Variants in RALYL observed in about 807,000 individuals in gnomAD.
RALYL encodes the protein RALY RNA binding protein like.
RALYL carries 29 observed loss-of-function variants against 35.1 expected under a neutral mutation model. That is an observed-to-expected ratio of 0.83 (90% CI 0.61 to 1.13). The LOEUF (loss-of-function observed/expected upper bound fraction) is 1.13. RALYL is among the 50% of genes most tolerant of loss of function. RALYL has a pLI of 0.00. For synonymous variants in RALYL, 120 were observed against 127.6 expected (o/e 0.94, Z 0.40); for missense variants, 359 against 360.4 (o/e 1.00, Z 0.03).
intron 8 of RALYL, among the ~76,000 whole-genome samples, chr8:84,895,733 A>AACC (rs2135507582): frequency 6.6e-6 from 1 of 152,182 alleles, no homozygotes; most frequent in South Asian, 2.1e-4. Context: ...AGTGGTCTCT[A>AACC]ACTCCTGACA....
chr8:84,210,492 T>TA (rs35507588), intron 1 of RALYL, among the ~76,000 whole-genome samples: 35,359 of 150,432 alleles, frequency 0.24, 4,243 homozygotes, highest in Non-Finnish European at 0.27. Context: ...TTCATTGGCT[T>TA]AAAAAAAAAG....
chr8:84,671,662 T>C (rs1185511547), intron 2 of RALYL, among the ~76,000 whole-genome samples: 1 of 152,156 alleles, frequency 6.6e-6, no homozygotes, highest in Non-Finnish European at 1.5e-5. Flanking sequence ...AGCTGTACCT[T>C]GGCACAGTTT....
chr8:84,370,022 A>C (rs922619364), intron 1 of RALYL, among the ~76,000 whole-genome samples: 3 of 151,938 alleles, frequency 2.0e-5, no homozygotes, highest in East Asian at 1.9e-4. Flanking sequence ...AATTCCATCA[A>C]TTTCAAATGT....
intron 6 of RALYL, among the ~76,000 whole-genome samples, chr8:84,871,044 G>T (rs988187411): frequency 6.6e-6 from 1 of 152,172 alleles, no homozygotes; most frequent in African/African-American, 2.4e-5. Flanking sequence ...AGGGTTAGAG[G>T]CTCACTTTAA....
chr8:84,837,000 C>G (rs1186761217), intron 4 of RALYL, among the ~76,000 whole-genome samples: 1 of 152,160 alleles, frequency 6.6e-6, no homozygotes, highest in Non-Finnish European at 1.5e-5. Flanking sequence ...AATACCTACC[C>G]TTTGAACATT....
chr8:84,419,294 T>C (rs1010404182), intron 1 of RALYL, among the ~76,000 whole-genome samples: 1 of 152,160 alleles, frequency 6.6e-6, no homozygotes, highest in African/African-American at 2.4e-5. Context: ...TTCTTGAGCC[T>C]TTTGGTATTA....
intron 2 of RALYL, among the ~76,000 whole-genome samples, chr8:84,568,725 T>G (rs1276491625): frequency 7.4e-6 from 1 of 134,338 alleles, no homozygotes; most frequent in Non-Finnish European, 1.6e-5. Context: ...GTTTCCTGAC[T>G]TTTTAATGAT....
chr8:84,412,933 G>A (rs1317613714), intron 1 of RALYL, among the ~76,000 whole-genome samples: 3 of 151,846 alleles, frequency 2.0e-5, no homozygotes, highest in Non-Finnish European at 2.9e-5. Context: ...AAGTCCTACA[G>A]TTTGTGGAAG....
intron 2 of RALYL, among the ~76,000 whole-genome samples, chr8:84,722,728 ATAT>A (rs559668605): frequency 2.0e-5 from 3 of 146,368 alleles, no homozygotes; most frequent in South Asian, 2.1e-4. Context: ...TGTATATATA[ATAT>A]TATACATATC....
intron 2 of RALYL, among the ~76,000 whole-genome samples, chr8:84,581,213 T>A (rs1810750727): frequency 6.6e-6 from 1 of 152,166 alleles, no homozygotes; most frequent in South Asian, 2.1e-4. Context: ...TTCAGCTAAG[T>A]CATTAAGTTC....
At chr8:84,576,949 G>A (rs1269935190) in intron 2 of RALYL, among the ~76,000 whole-genome samples, 3 of 152,188 alleles carry the variant, frequency 2.0e-5, no homozygotes, top group Non-Finnish European at 4.4e-5. Flanking sequence ...CAACCTTCAT[G>A]TTAGTTTACA....
At chr8:84,728,949 G>A (rs1845565897) in intron 2 of RALYL, among the ~76,000 whole-genome samples, 1 of 152,180 alleles carries the variant, frequency 6.6e-6, no homozygotes, top group Non-Finnish European at 1.5e-5. Flanking sequence ...GATTGACTTA[G>A]CAATGTGGGC....
At chr8:84,201,113 T>C (rs1004811491) in intron 1 of RALYL, among the ~76,000 whole-genome samples, 1 of 152,172 alleles carries the variant, frequency 6.6e-6, no homozygotes, top group African/African-American at 2.4e-5. Context: ...AATCAGAGGA[T>C]TAACCTTCCT....
intron 5 of RALYL, among the ~76,000 whole-genome samples, chr8:84,851,864 A>G (rs953961176): frequency 2.6e-5 from 4 of 152,198 alleles, no homozygotes; most frequent in African/African-American, 9.7e-5. Flanking sequence ...GTTACTTCAC[A>G]GCACCTCTCC....
At chr8:84,205,493 C>T (rs1817845452) in intron 1 of RALYL, among the ~76,000 whole-genome samples, 1 of 152,168 alleles carries the variant, frequency 6.6e-6, no homozygotes. Flanking sequence ...CCCTCTAACA[C>T]ATATACCACA....
chr8:84,618,004 A>T (rs1010673115), intron 2 of RALYL, among the ~76,000 whole-genome samples: 19 of 151,914 alleles, frequency 1.3e-4, no homozygotes, highest in African/African-American at 4.6e-4. Context: ...CCAGCATTTT[A>T]TTGAGGATTT....
At chr8:84,811,068 GT>G (rs908936344) in intron 4 of RALYL, among the ~76,000 whole-genome samples, 32 of 145,912 alleles carry the variant, frequency 2.2e-4, no homozygotes, top group Middle Eastern at 3.4e-3. Flanking sequence ...TTTGTTTTTT[GT>G]TTTTTTTTCT....
At chr8:84,882,097 T>C (rs1028113779) in intron 7 of RALYL, among the ~76,000 whole-genome samples, 6 of 152,034 alleles carry the variant, frequency 3.9e-5, no homozygotes, top group African/African-American at 1.2e-4. Flanking sequence ...CACTAACTTG[T>C]AGCCATTATA....
chr8:84,648,006 G>A (rs1827860684), intron 2 of RALYL, among the ~76,000 whole-genome samples: 1 of 152,052 alleles, frequency 6.6e-6, no homozygotes, highest in Non-Finnish European at 1.5e-5. Flanking sequence ...GGTAATGGGT[G>A]CTCTTTGCAT....
Sources: allele counts gnomAD v4.1 joint callset (sites outside exome capture counted in the v4.1 genomes callset), GRCh38; gene constraint gnomAD v4.1.1; transcripts MANE v1.5; gene names NCBI Gene and HGNC (gene_info 2026-07-23, HGNC 2026-07-21).